Variants in MOB1B observed in about 807,000 individuals in gnomAD.
MOB1B encodes MOB kinase activator 1B.
MOB1B carries 19 observed loss-of-function variants against 24.4 expected under a neutral mutation model. That is an observed-to-expected ratio of 0.78 (90% confidence interval 0.54 to 1.14). The LOEUF (loss-of-function observed/expected upper bound fraction) is 1.14, where lower values mean the gene tolerates loss of function less well. Ranked by LOEUF, MOB1B falls within the 50% of genes most tolerant of loss-of-function variation. MOB1B has a pLI of 0.00. For missense variants in MOB1B, 243 were observed against 259.6 expected (o/e 0.94, Z 0.44); for synonymous variants, 76 against 82.1 (o/e 0.93, Z 0.40).
chr4:70,958,827 G>A (rs1180778601), intron 1 of MOB1B, 47 bp from the exon 2 acceptor site: 1 of 1,517,290 alleles, frequency 6.6e-7, no homozygotes, highest in Non-Finnish European at 9.1e-7. Context: ...TCTATTGAAT[G>A]TCATGCCTTA....
intron 1 of MOB1B, among the ~76,000 whole-genome samples, chr4:70,908,173 C>G (rs942660324): frequency 1.3e-5 from 2 of 151,422 alleles, no homozygotes; most frequent in African/African-American, 4.8e-5. Context: ...CTACAGGCAC[C>G]CACCACCATG....
intron 1 of MOB1B, among the ~76,000 whole-genome samples, chr4:70,931,241 A>G (rs1218340970): frequency 1.3e-5 from 2 of 152,206 alleles, no homozygotes; most frequent in Non-Finnish European, 2.9e-5. Context: ...GTTTTGGCTC[A>G]GTTGTATAGA....
chr4:70,933,911 G>A (rs538487326), intron 1 of MOB1B, among the ~76,000 whole-genome samples: 1 of 152,076 alleles, frequency 6.6e-6, no homozygotes, highest in South Asian at 2.1e-4. Flanking sequence ...ATAGGGCTGG[G>A]TGCAGTGGCT....
At chr4:70,930,986 T>A (rs1019116229) in intron 1 of MOB1B, among the ~76,000 whole-genome samples, 18 of 79,702 alleles carry the variant, frequency 2.3e-4, no homozygotes, top group Non-Finnish European at 4.5e-4. Flanking sequence ...TTTTTTTTTT[T>A]AACACAGCTG....
At chr4:70,908,494 G>T (rs964363485) in intron 1 of MOB1B, among the ~76,000 whole-genome samples, 3 of 151,638 alleles carry the variant, frequency 2.0e-5, no homozygotes, top group Non-Finnish European at 4.4e-5. Context: ...AGCAATTTAG[G>T]CCGGGCACGG....
intron 1 of MOB1B, among the ~76,000 whole-genome samples, chr4:70,934,472 A>G (rs1023970375): frequency 4.7e-5 from 7 of 148,920 alleles, no homozygotes; most frequent in Admixed American, 4.7e-4. Context: ...TTTTCTTTTG[A>G]GACCGAGTCT....
At chr4:70,926,258 A>G (rs1381121492) in intron 1 of MOB1B, among the ~76,000 whole-genome samples, 2 of 149,580 alleles carry the variant, frequency 1.3e-5, no homozygotes, top group Non-Finnish European at 3.0e-5. Flanking sequence ...TGCTGGGATT[A>G]CAGCCATTTT....
chr4:70,925,476 A>C (rs1224271251), intron 1 of MOB1B, among the ~76,000 whole-genome samples: 1 of 152,196 alleles, frequency 6.6e-6, no homozygotes, highest in Non-Finnish European at 1.5e-5. Flanking sequence ...CTGTCATTTT[A>C]TGTAGCAGAA....
At chr4:70,945,951 T>C (rs932937774) in intron 1 of MOB1B, among the ~76,000 whole-genome samples, 8 of 152,190 alleles carry the variant, frequency 5.3e-5, no homozygotes, top group Middle Eastern at 3.4e-3. Flanking sequence ...GCTTTTTTTT[T>C]TTCCTATCGG....
chr4:70,922,031 C>A (rs1736458835), intron 1 of MOB1B, among the ~76,000 whole-genome samples: 1 of 152,146 alleles, frequency 6.6e-6, no homozygotes, highest in African/African-American at 2.4e-5. Context: ...TAGATAACTT[C>A]TGAATTAGAC....
intron 1 of MOB1B, among the ~76,000 whole-genome samples, chr4:70,956,186 A>C (rs140302614): frequency 1.3e-5 from 2 of 152,282 alleles, no homozygotes; most frequent in East Asian, 1.9e-4. Context: ...ACACTTTTGC[A>C]CTGGAAAGTC....
chr4:70,941,769 A>G (rs1183864495), intron 1 of MOB1B, among the ~76,000 whole-genome samples: 2 of 152,176 alleles, frequency 1.3e-5, no homozygotes, highest in African/African-American at 4.8e-5. Context: ...GAACATTCAA[A>G]TGCTAATTTA....
intron 1 of MOB1B, among the ~76,000 whole-genome samples, chr4:70,947,779 G>C (rs1180942355): frequency 6.6e-6 from 1 of 152,094 alleles, no homozygotes; most frequent in East Asian, 1.9e-4. Flanking sequence ...ACCACACCCA[G>C]ATAATTTTTT....
intron 1 of MOB1B, among the ~76,000 whole-genome samples, chr4:70,903,586 C>G (rs1735609326): frequency 6.6e-6 from 1 of 152,164 alleles, no homozygotes; most frequent in South Asian, 2.1e-4. Context: ...GAAACTCACC[C>G]ATATACTGTT....
At chr4:70,904,633 C>T (rs946309127) in intron 1 of MOB1B, among the ~76,000 whole-genome samples, 2 of 151,860 alleles carry the variant, frequency 1.3e-5, no homozygotes, top group African/African-American at 4.8e-5. Flanking sequence ...GTGGCACGCA[C>T]CTGTAGTCCC....
chr4:70,905,358 A>C (rs1335278275), intron 1 of MOB1B, among the ~76,000 whole-genome samples: 1 of 148,798 alleles, frequency 6.7e-6, no homozygotes, highest in African/African-American at 2.5e-5. Flanking sequence ...TTCATCTCAA[A>C]CCCCCTCCCC....
rs1303490214 is a variant in MOB1B at position 70,988,092 on chromosome 4, GGT to G, written c.*6038_*6039del. 6.6e-6 allele frequency: 1 copy of G among 150,516 alleles called. No homozygotes were observed. Among genetic ancestry groups the G allele is most frequent in the African/African-American group, 2.5e-5 (1 of 40,602 alleles). The allele number at this position is 150,516 out of a possible 1,614,324, so 9.3% of individuals were successfully genotyped here. Reference sequence around the variant, plus strand: ...TGGGATGGGAAATATTTAAATTCTAGGTGTTTTTTTTTTTTTAAAGAAGAAAC... The same window carrying G: ...TGGGATGGGAAATATTTAAATTCTAGGTTTTTTTTTTTTTAAAGAAGAAAC... On this transcript the variant is annotated 3_prime_UTR_variant, in exon 6 of 6. Coordinates refer to ENST00000309395, the MANE Select transcript of MOB1B (RefSeq NM_173468.4).
At chr4:70,956,115 AT>A (rs1276974189) in intron 1 of MOB1B, among the ~76,000 whole-genome samples, 1 of 152,056 alleles carries the variant, frequency 6.6e-6, no homozygotes, top group African/African-American at 2.4e-5. Context: ...AAACTGAAGA[AT>A]TTCTGCACTC....
At chr4:70,908,029 CT>C (rs57209453) in intron 1 of MOB1B, among the ~76,000 whole-genome samples, 450 of 141,528 alleles carry the variant, frequency 3.2e-3, no homozygotes, top group African/African-American at 4.0e-3. Context: ...TTCGTTCTTT[CT>C]TTTTTTTTTT....
Sources: gnomAD v4.1 joint callset for allele counts (sites outside exome capture counted in the v4.1 genomes callset) on GRCh38, gnomAD v4.1.1 for gene constraint, MANE v1.5 for transcripts, NCBI Gene and HGNC (gene_info 2026-07-23, HGNC 2026-07-21) for gene names.